Variants in PDIA4 observed in about 807,000 individuals in gnomAD.
The protein encoded by PDIA4 is protein disulfide-isomerase A4.
Under a neutral mutation model 62.1 loss-of-function variants are expected in PDIA4, and 33 were observed. That is an observed-to-expected ratio of 0.53 (90% confidence interval 0.40 to 0.71). PDIA4 has a LOEUF of 0.71. Ranked by LOEUF, PDIA4 falls within the 30% of genes least tolerant of loss-of-function variation. The probability of loss-of-function intolerance (pLI) is 0.00; values close to 1 mark genes in which losing one functional copy is unlikely to be tolerated. For synonymous variants in PDIA4, 341 were observed against 324.1 expected, an observed-to-expected ratio of 1.05 and a Z score of -0.56; for missense variants, 804 against 813.6, an observed-to-expected ratio of 0.99 and a Z score of 0.14.
Position 149,014,911 on chromosome 7 carries a change from C to A in PDIA4, c.607G>T (p.Ala203Ser), listed in dbSNP as rs1278326418. Residue 203 changes from alanine (A) to serine (S), a missense_variant, in exon 4 of 10, where the codon GCC (alanine) becomes TCC (serine). Transcript: ENST00000652332. The stretch of plus-strand genomic sequence containing the variant: ...GGCCTGACACCACCTTACCATGGGG[C>A]ATAAAACTCCACCAGAATGATATCT... ...DADIILVEFY[A>S]PWCGHCKKLA... is the part of the protein sequence containing the mutation. The A allele has an allele frequency of 1.2e-6, 2 of 1,613,994 alleles. No homozygotes were observed. Among genetic ancestry groups the A allele is most frequent in the Non-Finnish European group, 1.7e-6 (2 of 1,179,950 alleles).
At chr7:149,015,305 G>A (rs942626981) in intron 3 of PDIA4, among the ~76,000 whole-genome samples, 1 of 152,054 alleles carries the variant, frequency 6.6e-6, no homozygotes, top group Admixed American at 6.6e-5. Context: ...CTTACTGATG[G>A]TTGAGACTTC....
At chr7:149,019,925 C>T (rs564964838) in intron 2 of PDIA4, among the ~76,000 whole-genome samples, 1 of 152,244 alleles carries the variant, frequency 6.6e-6, no homozygotes, top group East Asian at 1.9e-4. Context: ...GTTAAGGTCT[C>T]TTTGAACTAA....
Position 149,011,895 on chromosome 7 carries a change from C to A in PDIA4, c.930G>T (p.Gly310=), listed in dbSNP as rs1239632937. The change falls in exon 6 of 10, where the codon GGG becomes GGT. Residue 310 remains glycine, a synonymous_variant. Transcript: ENST00000652332. ...LKDGDDVIII[G]VFKGESDPAY... ...CTGGGTCACTCTCCCCCTTAAAGAC[C>A]CCGATGATGATGACATCGTCTCCAT... 1 of 1,604,960 alleles carries A rather than the reference C, an allele frequency of 6.2e-7. No homozygotes were observed. The highest frequency in any genetic ancestry group is 8.5e-7 in the Non-Finnish European group (1 of 1,175,284).
intron 1 of PDIA4, among the ~76,000 whole-genome samples, chr7:149,022,700 G>T (rs35590396): frequency 4.2e-4 from 64 of 152,158 alleles, no homozygotes; most frequent in African/African-American, 1.5e-3. Flanking sequence ...AAGGAACCCC[G>T]CGTGGACTCT....
At chr7:149,009,540 C>T (rs773140601) in intron 6 of PDIA4, among the ~76,000 whole-genome samples, 3 of 152,094 alleles carry the variant, frequency 2.0e-5, no homozygotes, top group Admixed American at 6.6e-5. Context: ...GCTGGAGCTC[C>T]GAATGAAGTT....
At position 149,014,888 on chromosome 7, in the gene PDIA4, C is replaced by T; in HGVS notation, c.614+16G>A. 1.9e-6 allele frequency: 3 copies of T among 1,613,098 alleles called. No homozygotes were observed. The highest frequency in any genetic ancestry group is 1.7e-6 in the Non-Finnish European group (2 of 1,179,222). ...ACCAGGGTACTGAATATGGAAAGGG[C>T]CTGACACCACCTTACCATGGGGCAT... On this transcript the variant is annotated intron_variant, in intron 4 of 9. Coordinates refer to ENST00000652332, the MANE Select transcript of PDIA4 (RefSeq NM_004911.5).
In PDIA4 at chr7:149,004,033, T is replaced by A; in HGVS notation, c.1699A>T (p.Ser567Cys). The change falls in exon 10 of 10, where the codon AGC becomes TGC. Residue 567 changes from serine to cysteine, a missense_variant. Coordinates refer to ENST00000652332, the MANE Select transcript of PDIA4 (RefSeq NM_004911.5). ...HCKQLEPVYN[S>C]LAKKYKGQKG... ...TGGCCCTTGTACTTCTTGGCCAGGC[T>A]GTTGTACACGGGCTCTAGCTGCTTG... The A allele has an allele frequency of 6.2e-7, 1 of 1,614,178 alleles. No individual in the cohort carries two copies. The highest frequency in any genetic ancestry group is 8.5e-7 in the Non-Finnish European group (1 of 1,180,008).
intron 4 of PDIA4, among the ~76,000 whole-genome samples, chr7:149,013,077 G>A (rs1317114995): frequency 2.6e-5 from 4 of 152,134 alleles, no homozygotes; most frequent in East Asian, 1.9e-4. Context: ...GCAATACCCC[G>A]TCTCTACTAA....
At chr7:149,013,413 A>G (rs752043027) in intron 4 of PDIA4, among the ~76,000 whole-genome samples, 4 of 152,196 alleles carry the variant, frequency 2.6e-5, no homozygotes, top group Non-Finnish European at 5.9e-5. Context: ...ACAGTAGTTC[A>G]TTCCTGTAAT....
At position 149,005,185 on chromosome 7, in the gene PDIA4, A is replaced by C; in HGVS notation, c.1478T>G (p.Phe493Cys). Residue 493 changes from phenylalanine to cysteine, a missense_variant, in exon 9 of 10, where the codon TTT (phenylalanine) becomes TGT (cysteine). Physicochemically the swap from Phe to Cys is radical, Grantham distance 205. Transcript: ENST00000652332. ...AAACTCGCGGAGGGTGTCAGAGTCAAACTCCTCTGGCTCCATGGCGAACTT... is the reference window on the plus strand; with the variant it reads ...AAACTCGCGGAGGGTGTCAGAGTCACACTCCTCTGGCTCCATGGCGAACTT... ...GKKFAMEPEE[F>C]DSDTLREFVT... is the part of the protein sequence containing the mutation. The C allele has an allele frequency of 6.2e-7, 1 of 1,614,072 alleles. No individual in the cohort carries two copies. The highest frequency in any genetic ancestry group is 2.2e-5 in the East Asian group (1 of 44,878).
chr7:149,026,354 G>T (rs1020750330), intron 1 of PDIA4, among the ~76,000 whole-genome samples: 1 of 151,504 alleles, frequency 6.6e-6, no homozygotes, highest in African/African-American at 2.4e-5. Flanking sequence ...ACCAAAAAAA[G>T]AAAAAAAATA....
chr7:149,003,203 G>T lies in PDIA4; in HGVS notation c.*591C>A. The T allele has an allele frequency of 6.0e-6, 1 of 166,358 alleles. No homozygotes were observed. The allele number at this position is 166,358 out of a possible 1,614,324, so 10.3% of individuals were successfully genotyped here. Reference sequence around the variant, plus strand: ...AAGAGGTGGGGCTGCCACGTGGGTGGCCTCTCCCTGGAGCTGAGCCCACCC... The same window carrying T: ...AAGAGGTGGGGCTGCCACGTGGGTGTCCTCTCCCTGGAGCTGAGCCCACCC... On this transcript the variant is annotated 3_prime_UTR_variant, in exon 10 of 10. Coordinates refer to ENST00000652332, the MANE Select transcript of PDIA4 (RefSeq NM_004911.5).
In PDIA4 at chr7:149,028,452, G is replaced by C. The variant is rs542343968; in HGVS notation, c.-44C>G. The C allele has an allele frequency of 3.9e-4, 517 of 1,333,518 alleles. No homozygotes were observed. The highest frequency in any genetic ancestry group is 4.8e-4 in the Non-Finnish European group (478 of 1,004,616). The allele number at this position is 1,333,518 out of a possible 1,614,324, so 82.6% of individuals were successfully genotyped here. A position where few individuals can be genotyped will look rare whatever the true frequency, so the allele number is the denominator to read the frequency against. ...CGGCCTCCTAGCGTCGGCGGCCGCT[G>C]AGCGCACCGAGAACTCGGGGTCTGG... On this transcript the variant is annotated 5_prime_UTR_variant, in exon 1 of 10. Transcript: ENST00000652332.
At chr7:149,010,294 G>T (rs761660630) in intron 6 of PDIA4, among the ~76,000 whole-genome samples, 1 of 152,124 alleles carries the variant, frequency 6.6e-6, no homozygotes, top group Non-Finnish European at 1.5e-5. Context: ...GAGCCCAGGA[G>T]TTCAAGACCA....
At position 149,005,999 on chromosome 7, in the gene PDIA4, G is replaced by A. The variant is rs896760597; in HGVS notation, c.1186C>T (p.Leu396=). The A allele has an allele frequency of 1.3e-6, 2 of 1,549,238 alleles. No individual in the cohort carries two copies. Among genetic ancestry groups the A allele is most frequent in the African/African-American group, 1.4e-5 (1 of 70,278 alleles). Residue 396 remains leucine (L), a synonymous_variant, in exon 8 of 10, where the codon CTG becomes TTG. Transcript: ENST00000652332. ...KDFVLKYALP[L]VGHRKVSNDA... ...TTTGACACCTTGCGGTGGCCAACCA[G>A]GGGCAGGGCGTACTTCAGCACGAAG...
intron 1 of PDIA4, among the ~76,000 whole-genome samples, chr7:149,022,045 T>G (rs986455448): frequency 6.6e-6 from 1 of 152,128 alleles, no homozygotes; most frequent in African/African-American, 2.4e-5. Context: ...CATCAACAAA[T>G]TATCTGCCTG....
chr7:149,005,414 G>A (rs746418641), intron 8 of PDIA4, 40 bp from the exon 9 acceptor site: 1 of 1,332,084 alleles, frequency 7.5e-7, no homozygotes, highest in East Asian at 2.3e-5. Context: ...CGGCCACACA[G>A]AGCAAGTCCC....
In PDIA4 at chr7:149,005,943, C is replaced by T; in HGVS notation, c.1242G>A (p.Leu414=). The T allele has an allele frequency of 1.3e-6, 2 of 1,532,176 alleles. No homozygotes were observed. Among genetic ancestry groups the T allele is most frequent in the Non-Finnish European group, 8.7e-7 (1 of 1,151,332 alleles). The allele number at this position is 1,532,176 out of a possible 1,614,324, so 94.9% of individuals were successfully genotyped here. Residue 414 remains leucine, a synonymous_variant, in exon 8 of 10, where the codon CTG becomes CTA. Coordinates refer to ENST00000652332, the MANE Select transcript of PDIA4 (RefSeq NM_004911.5). ...AGTCCACACTGTAGTAGACGACCAC[C>T]AGGGGGCGCCTGGTGTAGCGCTTAG... is the stretch of plus-strand genomic sequence containing the variant. The part of the protein sequence containing the change: ...NDAKRYTRRP[L]VVVYYSVDFS...
At chr7:149,025,789 G>A (rs1170022583) in intron 1 of PDIA4, among the ~76,000 whole-genome samples, 2 of 152,182 alleles carry the variant, frequency 1.3e-5, no homozygotes, top group Non-Finnish European at 2.9e-5. Flanking sequence ...ATGAAAAGAG[G>A]AGGAGAGTTT....
Sources: allele counts gnomAD v4.1 joint callset (sites outside exome capture counted in the v4.1 genomes callset), GRCh38; gene constraint gnomAD v4.1.1; transcripts MANE v1.5; gene names NCBI Gene and HGNC (gene_info 2026-07-23, HGNC 2026-07-21).